The following SAMD3 variants were observed in gnomAD, a reference collection of about 807,000 sequenced individuals.
The protein encoded by SAMD3 is sterile alpha motif domain containing 3, also known as sterile alpha motif domain-containing protein 3.
SAMD3 carries 63 observed loss-of-function variants against 58.5 expected under a neutral mutation model. That is an observed-to-expected ratio of 1.08 (90% CI 0.88 to 1.33). SAMD3 has a LOEUF of 1.33. SAMD3 is among the 40% of genes most tolerant of loss of function. SAMD3 has a pLI of 0.00. For missense variants in SAMD3, 604 were observed against 608.4 expected (o/e 0.99, Z 0.08); for synonymous variants, 220 against 210.3 (o/e 1.05, Z -0.40).
rs958955659 is a variant in SAMD3 at position 130,272,894 on chromosome 6, C to A, written c.-188+40084G>T. 7.9e-5 allele frequency among the ~76,000 whole-genome samples: 12 copies of A among 152,106 alleles called. 1 individual carries two copies. In the East Asian group the frequency reaches 2.1e-3, roughly 27 times the overall value. ...ACTCATTTATCATAGATTGGGAAGA[C>A]CAGAATGACTGGAATCTGTAGGAAA... is the stretch of plus-strand genomic sequence containing the variant. On this transcript the variant is annotated intron_variant, in intron 2 of 13. Transcript: ENST00000368134.
chr6:130,224,596 T>C (rs1169809904), upstream of SAMD3, among the ~76,000 whole-genome samples: 3 of 51,892 alleles, frequency 5.8e-5, no homozygotes, highest in Non-Finnish European at 9.2e-5. Flanking sequence ...TATTTATTTA[T>C]TATTATTATT....
intron 2 of SAMD3, among the ~76,000 whole-genome samples, chr6:130,256,752 G>A (rs184896554): frequency 6.6e-6 from 1 of 152,222 alleles, no homozygotes; most frequent in African/African-American, 2.4e-5. Context: ...ACATTTTATG[G>A]TTTCAAACTT....
intron 8 of SAMD3, among the ~76,000 whole-genome samples, chr6:130,170,702 G>A (rs530603204): frequency 3.4e-4 from 52 of 152,226 alleles, no homozygotes; most frequent in African/African-American, 1.2e-3. Flanking sequence ...TATTCTCTTT[G>A]TAGCAGTCGC....
intron 1 of SAMD3, among the ~76,000 whole-genome samples, chr6:130,333,887 G>A (rs181842709): frequency 1.3e-5 from 2 of 152,262 alleles, no homozygotes; most frequent in Admixed American, 1.3e-4. Flanking sequence ...GCAGACTCTG[G>A]GCTTGGGACC....
At chr6:130,289,536 G>A (rs1775291363) in intron 2 of SAMD3, among the ~76,000 whole-genome samples, 1 of 152,108 alleles carries the variant, frequency 6.6e-6, no homozygotes, top group South Asian at 2.1e-4. Flanking sequence ...GTCTCACTCT[G>A]TCACCCAGGT....
At chr6:130,260,571 C>A (rs929036396) in intron 2 of SAMD3, among the ~76,000 whole-genome samples, 2 of 152,304 alleles carry the variant, frequency 1.3e-5, no homozygotes, top group Non-Finnish European at 2.9e-5. Context: ...TTCTTTAACT[C>A]AGTGTCTGAG....
chr6:130,294,909 ATTTTTTTTTTTTTTTTTTTTT>A (rs774036634), intron 2 of SAMD3, among the ~76,000 whole-genome samples: 1 of 56,146 alleles, frequency 1.8e-5, no homozygotes, highest in African/African-American at 8.4e-5. Context: ...CATTTCTCTG[ATTTTTTTTTTTTTTTTTTTTT>A]TTTTTTTTTT....
chr6:130,190,203 A>T lies in SAMD3; in HGVS notation c.384-5580T>A, dbSNP rs144210855. 2.9e-3 allele frequency among the ~76,000 whole-genome samples: 448 copies of T among 152,300 alleles called. 1 individual carries two copies. Among genetic ancestry groups the T allele is most frequent in the African/African-American group, 0.01 (424 of 41,556 alleles). Reference sequence around the variant, plus strand: ...AGACTGAGTTTTCCACGTGAGTCCAACCAATTTTGCGGTTTCCTAGAACAA... The same window carrying T: ...AGACTGAGTTTTCCACGTGAGTCCATCCAATTTTGCGGTTTCCTAGAACAA... On this transcript the variant is annotated intron_variant, in intron 5 of 11. Transcript: ENST00000439090.
At chr6:130,333,248 C>T (rs1300188448) in intron 1 of SAMD3, among the ~76,000 whole-genome samples, 2 of 152,122 alleles carry the variant, frequency 1.3e-5, no homozygotes, top group Non-Finnish European at 2.9e-5. Context: ...ATATTTGAGA[C>T]ATGCAAAAGA....
chr6:130,170,112 T>C (rs13200211), intron 8 of SAMD3, among the ~76,000 whole-genome samples: 5,912 of 152,346 alleles, frequency 0.039, 163 homozygotes, highest in Non-Finnish European at 0.061. Context: ...ACATGTACCA[T>C]GGTGGTTTGC....
At chr6:130,168,530 A>T (rs2326969) in intron 8 of SAMD3, among the ~76,000 whole-genome samples, 119,456 of 152,110 alleles carry the variant, frequency 0.79, 47,855 homozygotes, top group East Asian at 0.98. Flanking sequence ...ACCAAAGGAA[A>T]AAAACAGAAA....
intron 2 of SAMD3, among the ~76,000 whole-genome samples, chr6:130,290,604 C>A (rs1303764748): frequency 1.3e-5 from 2 of 152,164 alleles, no homozygotes; most frequent in East Asian, 3.8e-4. Context: ...AATATCTGGG[C>A]TCTTGATTTA....
chr6:130,225,865 C>T (rs1796370467), upstream of SAMD3, among the ~76,000 whole-genome samples: 1 of 152,204 alleles, frequency 6.6e-6, no homozygotes, highest in African/African-American at 2.4e-5. Flanking sequence ...GCCTGGGCAC[C>T]TATTCCTGGT....
intron 4 of SAMD3, among the ~76,000 whole-genome samples, 160 bp from the exon 5 acceptor site, chr6:130,209,768 C>G (rs2114825121): frequency 6.6e-6 from 1 of 152,278 alleles, no homozygotes; most frequent in South Asian, 2.1e-4. Flanking sequence ...GAAAGAAGGC[C>G]CCTCTGGCGT....
At chr6:130,353,732 A>C (rs987676768) in intron 1 of SAMD3, among the ~76,000 whole-genome samples, 5 of 152,206 alleles carry the variant, frequency 3.3e-5, no homozygotes, top group Non-Finnish European at 7.3e-5. Context: ...ATGAGACCAG[A>C]AGGAAAGATC....
At chr6:130,239,177 G>A (rs1773269136) in intron 2 of SAMD3, among the ~76,000 whole-genome samples, 2 of 152,128 alleles carry the variant, frequency 1.3e-5, no homozygotes, top group African/African-American at 4.8e-5. Flanking sequence ...ACTCTCCTGA[G>A]GCTACACAGC....
chr6:130,260,437 G>A (rs1346658105), intron 2 of SAMD3, among the ~76,000 whole-genome samples: 5 of 152,158 alleles, frequency 3.3e-5, no homozygotes, highest in East Asian at 1.9e-4. Flanking sequence ...AGTTGATCAC[G>A]ACCCTCTCTC....
intron 1 of SAMD3, among the ~76,000 whole-genome samples, chr6:130,342,913 G>C (rs1777316996): frequency 6.6e-6 from 1 of 152,092 alleles, no homozygotes; most frequent in Admixed American, 6.5e-5. Context: ...GTGAACCTAG[G>C]ACATTTTGAC....
At chr6:130,316,641 T>C (rs1273118296) in intron 1 of SAMD3, among the ~76,000 whole-genome samples, 2 of 152,116 alleles carry the variant, frequency 1.3e-5, no homozygotes, top group Admixed American at 6.5e-5. Flanking sequence ...CCCAAGTGTA[T>C]GCTCTATTAA....
Sources: gnomAD v4.1 joint callset for allele counts (sites outside exome capture counted in the v4.1 genomes callset) on GRCh38, gnomAD v4.1.1 for gene constraint, MANE v1.5 for transcripts, NCBI Gene and HGNC (gene_info 2026-07-23, HGNC 2026-07-21) for gene names.